ABCA13: variants seen among roughly 807,000 people sequenced by gnomAD.
The protein encoded by ABCA13 is ATP binding cassette subfamily A member 13.
ABCA13 carries 476 observed loss-of-function variants against 478.7 expected under a neutral mutation model. That is an observed-to-expected ratio of 0.99 (90% CI 0.92 to 1.07). The LOEUF is 1.07. Among genes scored for constraint, ABCA13 ranks in the 50% least tolerant of loss-of-function variants. The pLI, the probability that ABCA13 is intolerant of heterozygous loss-of-function variation, is 0.00. For synonymous variants in ABCA13, 2,252 were observed against 2,158.9 expected, an observed-to-expected ratio of 1.04 and a Z score of -1.20; for missense variants, 6,060 against 5,910.6, an observed-to-expected ratio of 1.03 and a Z score of -0.83.
intron 35 of ABCA13, among the ~76,000 whole-genome samples, chr7:48,381,287 G>C (rs1313514422): frequency 2.0e-5 from 3 of 152,040 alleles, no homozygotes; most frequent in African/African-American, 7.2e-5. Flanking sequence ...CCTGTGGGTA[G>C]GAGGGTGTCT....
At chr7:48,209,790 G>T (rs1785390241) in intron 3 of ABCA13, among the ~76,000 whole-genome samples, 1 of 152,090 alleles carries the variant, frequency 6.6e-6, no homozygotes, top group South Asian at 2.1e-4. Flanking sequence ...GCTCACAGTA[G>T]TCTCTGATGA....
chr7:48,570,628 C>G (rs1056113280), intron 55 of ABCA13, among the ~76,000 whole-genome samples: 7 of 151,778 alleles, frequency 4.6e-5, no homozygotes, highest in African/African-American at 1.7e-4. Flanking sequence ...CAGCTGCATC[C>G]TTTTACTTTC....
At chr7:48,315,520 C>T (rs896627773) in intron 26 of ABCA13, among the ~76,000 whole-genome samples, 14 of 151,656 alleles carry the variant, frequency 9.2e-5, no homozygotes, top group African/African-American at 3.4e-4. Flanking sequence ...TGCCCTATCG[C>T]CCAGGCTGGA....
intron 29 of ABCA13, among the ~76,000 whole-genome samples, chr7:48,347,009 A>G (rs1192778717): frequency 2.0e-5 from 3 of 152,152 alleles, no homozygotes; most frequent in African/African-American, 7.2e-5. Context: ...ATCCAAGTTT[A>G]GCCTCATACC....
intron 42 of ABCA13, among the ~76,000 whole-genome samples, chr7:48,446,582 A>G (rs573896541): frequency 6.6e-6 from 1 of 152,112 alleles, no homozygotes; most frequent in Non-Finnish European, 1.5e-5. Context: ...GCAGTGATTA[A>G]TTTGAAGGGT....
At position 48,354,859 on chromosome 7, in the gene ABCA13, A is replaced by G. The variant is rs118071842; in HGVS notation, c.10688+2372A>G. Among the ~76,000 whole-genome samples the G allele has an allele frequency of 1.2e-3, 190 of 152,114 alleles. 3 individuals carry two copies. The East Asian group carries it at 0.029, about 23-fold the overall frequency. On this transcript the variant is annotated intron_variant, in intron 31 of 61. Transcript: ENST00000435803. ...AAAGAACTCAGTCACTTGAGTAAAA[A>G]TCCTAAAGCACAGTTTGTACTGTAG...
intron 42 of ABCA13, among the ~76,000 whole-genome samples, chr7:48,442,995 G>A (rs1440038576): frequency 6.6e-6 from 1 of 152,064 alleles, no homozygotes; most frequent in East Asian, 1.9e-4. Context: ...AAGGCAATGA[G>A]GACTAAATGA....
rs1796039605 is a variant in ABCA13, at chr7:48,274,532, TG to T, written c.4867del (p.Glu1623LysfsTer2). 1 of 1,613,718 alleles carries T rather than the reference TG, an allele frequency of 6.2e-7. No individual in the cohort carries two copies. Among genetic ancestry groups the T allele is most frequent in the Admixed American group, 1.7e-5 (1 of 60,000 alleles). On this transcript the variant is annotated frameshift_variant, in exon 17 of 62. Transcript: ENST00000435803. LOFTEE classifies it high-confidence loss of function. ...ATTCACCAAAAATAATAATTTCACC[TG>T]AAATAATGAAAGCTACAGGTCTTGG... ...QNSPKIIISP[E>X]IMKATGLGIQ...
chr7:48,441,682 A>G (rs978114697), intron 42 of ABCA13, among the ~76,000 whole-genome samples: 1 of 152,108 alleles, frequency 6.6e-6, no homozygotes, highest in Non-Finnish European at 1.5e-5. Context: ...CCTGAAGTGG[A>G]TCGGACACTA....
intron 31 of ABCA13, among the ~76,000 whole-genome samples, chr7:48,365,414 G>C (rs1811517018): frequency 6.6e-6 from 1 of 152,058 alleles, no homozygotes; most frequent in South Asian, 2.1e-4. Context: ...AAGCTTTTTA[G>C]CTTGATGTAA....
At chr7:48,342,408 A>C (rs1289878601) in intron 29 of ABCA13, among the ~76,000 whole-genome samples, 1 of 151,970 alleles carries the variant, frequency 6.6e-6, no homozygotes, top group Non-Finnish European at 1.5e-5. Context: ...GGCTTTATAT[A>C]CTTTAAGGCT....
rs796999327 is a variant in ABCA13 at position 48,205,642 on chromosome 7, G to A, written c.287+7282G>A. Among the ~76,000 whole-genome samples the A allele has an allele frequency of 4.6e-5, 7 of 152,260 alleles. No individual in the cohort carries two copies. The South Asian group carries it at 8.3e-4, about 18-fold the overall frequency. On this transcript the variant is annotated intron_variant, in intron 3 of 61. Coordinates refer to ENST00000435803, the MANE Select transcript of ABCA13 (RefSeq NM_152701.5). ...AAAAATATTATTGGGATTTTTATTG[G>A]AGTTGCATTGCATCTTGAGATCCTG... is the stretch of plus-strand genomic sequence containing the variant.
At chr7:48,474,436 G>C (rs1257300008) in intron 45 of ABCA13, among the ~76,000 whole-genome samples, 1 of 152,192 alleles carries the variant, frequency 6.6e-6, no homozygotes, top group Non-Finnish European at 1.5e-5. Flanking sequence ...TGGAATTTGA[G>C]TGAGCCCGAA....
intron 41 of ABCA13, among the ~76,000 whole-genome samples, chr7:48,416,163 T>C (rs1819947111): frequency 6.6e-6 from 1 of 152,216 alleles, no homozygotes; most frequent in East Asian, 1.9e-4. Flanking sequence ...TTTATAAGTG[T>C]TATTTTAGTA....
chr7:48,430,609 G>A (rs1299465317), intron 42 of ABCA13, among the ~76,000 whole-genome samples: 4 of 151,302 alleles, frequency 2.6e-5, no homozygotes, highest in Non-Finnish European at 5.9e-5. Context: ...GGGAGGCGGA[G>A]GTTGCAGTGA....
At chr7:48,398,684 T>G (rs1402315697) in intron 38 of ABCA13, among the ~76,000 whole-genome samples, 2 of 152,172 alleles carry the variant, frequency 1.3e-5, no homozygotes, top group Non-Finnish European at 2.9e-5. Context: ...CAGTGTGATG[T>G]TGTTATGTAG....
At chr7:48,505,528 A>T (rs1831126699) in intron 48 of ABCA13, among the ~76,000 whole-genome samples, 1 of 152,222 alleles carries the variant, frequency 6.6e-6, no homozygotes, top group South Asian at 2.1e-4. Flanking sequence ...TAGGACTGGC[A>T]ACATGAAATG....
intron 15 of ABCA13, among the ~76,000 whole-genome samples, chr7:48,253,565 C>T (rs1792907710): frequency 6.6e-6 from 1 of 152,212 alleles, no homozygotes; most frequent in Admixed American, 6.5e-5. Context: ...CACCTCACTG[C>T]AACCTTTGCT....
intron 60 of ABCA13, 61 bp from the exon 61 acceptor site, chr7:48,644,556 T>C: frequency 6.6e-7 from 1 of 1,512,492 alleles, no homozygotes; most frequent in Non-Finnish European, 8.9e-7. Context: ...TGTAGTATGA[T>C]CAATTTTGTT....
Sources: allele counts gnomAD v4.1 joint callset (sites outside exome capture counted in the v4.1 genomes callset), GRCh38; gene constraint gnomAD v4.1.1; transcripts MANE v1.5; gene names NCBI Gene and HGNC (gene_info 2026-07-23, HGNC 2026-07-21).